The following NIM1K variants were observed in gnomAD, a reference collection of about 807,000 sequenced individuals.
The protein encoded by NIM1K is serine/threonine-protein kinase NIM1.
NIM1K carries 35 observed loss-of-function variants against 37.1 expected under a neutral mutation model. The ratio of observed to expected loss-of-function variants is 0.94; its 90% CI spans 0.72 to 1.25. The LOEUF is 1.25. Among genes scored for constraint, NIM1K ranks in the 50% most tolerant of loss-of-function variants. The pLI is 0.00. For synonymous variants in NIM1K, 234 were observed against 206.6 expected, an observed-to-expected ratio of 1.13 and a Z score of -1.14; for missense variants, 564 against 548.0, an observed-to-expected ratio of 1.03 and a Z score of -0.29.
intron 1 of NIM1K, among the ~76,000 whole-genome samples, chr5:43,205,975 G>T (rs547727074): frequency 2.6e-5 from 4 of 152,220 alleles, no homozygotes; most frequent in African/African-American, 9.6e-5. Flanking sequence ...ACCTCCCAAA[G>T]TGCTGGGATT....
intron 1 of NIM1K, among the ~76,000 whole-genome samples, chr5:43,217,080 A>T (rs1579961148): frequency 1.3e-5 from 2 of 152,234 alleles, no homozygotes; most frequent in South Asian, 2.1e-4. Context: ...ATTTTAGAAC[A>T]TTTTCATTAC....
chr5:43,271,508 G>C (rs1157217916), intron 2 of NIM1K, among the ~76,000 whole-genome samples: 1 of 152,040 alleles, frequency 6.6e-6, no homozygotes, highest in Non-Finnish European at 1.5e-5. Context: ...ACATATATTA[G>C]AGTAGTGCTC....
chr5:43,258,818 G>T (rs1469190140), intron 2 of NIM1K, among the ~76,000 whole-genome samples: 1 of 151,748 alleles, frequency 6.6e-6, no homozygotes. Context: ...GTGGTTTTTG[G>T]TTACAATGAT....
intron 1 of NIM1K, among the ~76,000 whole-genome samples, chr5:43,241,307 G>T (rs1752698731): frequency 6.7e-6 from 1 of 149,262 alleles, no homozygotes; most frequent in Non-Finnish European, 1.5e-5. Flanking sequence ...TTTTTGGGAG[G>T]ATATTGGTAT....
At chr5:43,264,099 T>A (rs1554016680) in intron 2 of NIM1K, among the ~76,000 whole-genome samples, 1 of 152,222 alleles carries the variant, frequency 6.6e-6, no homozygotes, top group Non-Finnish European at 1.5e-5. Flanking sequence ...TATATTCTGT[T>A]GATTTGGGGT....
chr5:43,262,399 G>A (rs1753044770), intron 2 of NIM1K, among the ~76,000 whole-genome samples: 1 of 152,038 alleles, frequency 6.6e-6, no homozygotes, highest in African/African-American at 2.4e-5. Context: ...CTCATGATTT[G>A]GCTCTCTCTT....
At chr5:43,227,189 T>C (rs960519993) in intron 1 of NIM1K, among the ~76,000 whole-genome samples, 13 of 151,994 alleles carry the variant, frequency 8.6e-5, no homozygotes, top group African/African-American at 2.9e-4. Flanking sequence ...GGAGAAACCC[T>C]GTCTCTACTA....
In NIM1K at chr5:43,222,957, G is replaced by C. The variant is rs186665503; in HGVS notation, c.-694-22125G>C. ...AGTTTGAGACCAGCCTGACCAACAC[G>C]GCGAAACCCCATCTCTACTAAAAAT... On this transcript the variant is annotated intron_variant, in intron 1 of 3. Coordinates refer to ENST00000326035, the MANE Select transcript of NIM1K (RefSeq NM_153361.4). Among the ~76,000 whole-genome samples, 1,032 of 151,798 alleles carry C rather than the reference G, an allele frequency of 6.8e-3. 6 individuals are homozygous for C. Among genetic ancestry groups the C allele is most frequent in the Middle Eastern group, 0.034 (10 of 292 alleles).
At chr5:43,231,602 A>G (rs1752539977) in intron 1 of NIM1K, among the ~76,000 whole-genome samples, 1 of 152,216 alleles carries the variant, frequency 6.6e-6, no homozygotes, top group African/African-American at 2.4e-5. Flanking sequence ...ACTTTTAAAA[A>G]ACATTTATTA....
intron 1 of NIM1K, among the ~76,000 whole-genome samples, chr5:43,237,543 G>T (rs1186200982): frequency 1.3e-5 from 2 of 152,136 alleles, no homozygotes. Context: ...AATTAGGTAT[G>T]TGATCACTTC....
chr5:43,209,356 T>A (rs1752171553), intron 1 of NIM1K, among the ~76,000 whole-genome samples: 2 of 152,226 alleles, frequency 1.3e-5, no homozygotes, highest in South Asian at 4.1e-4. Flanking sequence ...CCGCAGTGTT[T>A]CAGAAATTTT....
chr5:43,224,920 C>A (rs1374316391), intron 1 of NIM1K, among the ~76,000 whole-genome samples: 1 of 151,908 alleles, frequency 6.6e-6, no homozygotes, highest in African/African-American at 2.4e-5. Context: ...GATCTTGAAC[C>A]CCTGACCTTG....
At chr5:43,240,545 C>CTTTT (rs56934664) in intron 1 of NIM1K, among the ~76,000 whole-genome samples, 5 of 136,762 alleles carry the variant, frequency 3.7e-5, no homozygotes, top group African/African-American at 5.5e-5. Context: ...CTTTCTTACA[C>CTTTT]TTTTTTTTTT....
intron 3 of NIM1K, among the ~76,000 whole-genome samples, 178 bp downstream of exon 3, chr5:43,277,503 T>C (rs1349298392): frequency 6.6e-6 from 1 of 152,076 alleles, no homozygotes; most frequent in African/African-American, 2.4e-5. Flanking sequence ...TGAAGCAACA[T>C]CCAGGGATGT....
intron 1 of NIM1K, among the ~76,000 whole-genome samples, chr5:43,241,333 C>CT (rs56409754): frequency 5.2e-5 from 7 of 135,278 alleles, no homozygotes; most frequent in African/African-American, 2.0e-4. Flanking sequence ...TTTTCTTTTT[C>CT]TTTTTTTTTT....
At chr5:43,241,556 A>T (rs1752703571) in intron 1 of NIM1K, among the ~76,000 whole-genome samples, 1 of 151,708 alleles carries the variant, frequency 6.6e-6, no homozygotes, top group South Asian at 2.1e-4. Flanking sequence ...GGCCAGGAGG[A>T]TATCGATCTC....
At chr5:43,277,901 C>A (rs1372896000) in intron 3 of NIM1K, among the ~76,000 whole-genome samples, 1 of 151,852 alleles carries the variant, frequency 6.6e-6, no homozygotes, top group African/African-American at 2.4e-5. Context: ...GATCCCCTAG[C>A]TCTTATTGCC....
Position 43,262,924 on chromosome 5 carries a change from C to T in NIM1K, c.293-14133C>T, listed in dbSNP as rs185001135. ...ATGATGGATTACGTTTATTGATTTG[C>T]GTATGTTGAATGAGCCTTGCACCCT... On this transcript the variant is annotated intron_variant, in intron 2 of 3. Coordinates refer to ENST00000326035, the MANE Select transcript of NIM1K (RefSeq NM_153361.4). 3.2e-4 allele frequency among the ~76,000 whole-genome samples: 49 copies of T among 152,124 alleles called. 1 individual carries two copies. The highest frequency in any genetic ancestry group is 9.4e-4 in the African/African-American group (39 of 41,490).
intron 1 of NIM1K, among the ~76,000 whole-genome samples, chr5:43,217,708 A>ATTTTTTTTT (rs71608698): frequency 5.3e-5 from 5 of 93,628 alleles, no homozygotes; most frequent in African/African-American, 2.1e-4. Flanking sequence ...TCCTCTGTCT[A>ATTTTTTTTT]TTTTTTTTTT....
Sources: gnomAD v4.1 joint callset for allele counts (sites outside exome capture counted in the v4.1 genomes callset) on GRCh38, gnomAD v4.1.1 for gene constraint, MANE v1.5 for transcripts, NCBI Gene and HGNC (gene_info 2026-07-23, HGNC 2026-07-21) for gene names.